The following FOXP1 variants were observed in gnomAD, a reference collection of about 807,000 sequenced individuals.
FOXP1 encodes the protein forkhead box P1.
FOXP1 carries 15 observed loss-of-function variants against 98.2 expected under a neutral mutation model. That is an observed-to-expected ratio of 0.15 (90% CI 0.10 to 0.24). The LOEUF is 0.24. Ranked by LOEUF, FOXP1 falls within the 10% of genes least tolerant of loss-of-function variation. The probability of loss-of-function intolerance (pLI) is 1.00; values close to 1 mark genes in which losing one functional copy is unlikely to be tolerated. For synonymous variants in FOXP1, 371 were observed against 314.5 expected (o/e 1.18, Z -1.90); for missense variants, 633 against 848.5 (o/e 0.75, Z 3.15).
intron 10 of FOXP1, among the ~76,000 whole-genome samples, chr3:71,046,278 T>G (rs1179022142): frequency 6.6e-6 from 1 of 152,222 alleles, no homozygotes; most frequent in Non-Finnish European, 1.5e-5. Flanking sequence ...GTGGGCTTTG[T>G]AAAAGAAATT....
intron 2 of FOXP1, among the ~76,000 whole-genome samples, chr3:71,516,398 G>C (rs188313899): frequency 1.4e-3 from 211 of 152,256 alleles, no homozygotes; most frequent in African/African-American, 4.8e-3. Flanking sequence ...AAAAGGCATA[G>C]GGAATTCTTG....
intron 5 of FOXP1, among the ~76,000 whole-genome samples, chr3:71,265,561 T>G (rs530716572): frequency 6.6e-6 from 1 of 152,300 alleles, no homozygotes; most frequent in African/African-American, 2.4e-5. Flanking sequence ...CCTAGGCAAC[T>G]AGCTGACTTG....
At chr3:71,216,178 T>C (rs1438535906) in intron 5 of FOXP1, among the ~76,000 whole-genome samples, 1 of 152,236 alleles carries the variant, frequency 6.6e-6, no homozygotes, top group African/African-American at 2.4e-5. Context: ...TCACACTGAA[T>C]GAGAAGCTTG....
At chr3:71,196,077 G>A (rs940347609) in intron 6 of FOXP1, among the ~76,000 whole-genome samples, 1 of 152,170 alleles carries the variant, frequency 6.6e-6, no homozygotes, top group Non-Finnish European at 1.5e-5. Context: ...TCACAATACA[G>A]GGGGTTTTAG....
chr3:71,564,361 G>T lies in FOXP1; in HGVS notation c.-298+17188C>A, dbSNP rs372795483. ...TAACATATATAAAGCTCCTGTATTT[G>T]CCAGGCACCCTGTGTCACATTCCAC... On this transcript the variant is annotated intron_variant, in intron 2 of 20. Transcript: ENST00000649528. Among the ~76,000 whole-genome samples the T allele has an allele frequency of 5.3e-5, 8 of 152,190 alleles. No individual in the cohort carries two copies. The East Asian group carries it at 1.5e-3, about 29-fold the overall frequency.
chr3:71,445,408 T>C (rs2086323357), intron 3 of FOXP1, among the ~76,000 whole-genome samples: 1 of 152,102 alleles, frequency 6.6e-6, no homozygotes, highest in Non-Finnish European at 1.5e-5. Flanking sequence ...ATTTTAACCA[T>C]GGAATATACT....
At chr3:71,331,721 T>C (rs1252270945) in intron 4 of FOXP1, among the ~76,000 whole-genome samples, 2 of 150,754 alleles carry the variant, frequency 1.3e-5, no homozygotes, top group African/African-American at 4.9e-5. Context: ...CTGCATCTAG[T>C]TAATCTGGTG....
chr3:71,472,779 G>C (rs1002280489), intron 3 of FOXP1, among the ~76,000 whole-genome samples: 6 of 152,226 alleles, frequency 3.9e-5, no homozygotes, highest in Non-Finnish European at 8.8e-5. Context: ...AGTGAGAACA[G>C]AGAAAACTAG....
intron 3 of FOXP1, among the ~76,000 whole-genome samples, chr3:71,387,634 C>T (rs185427974): frequency 6.6e-6 from 1 of 152,168 alleles, no homozygotes; most frequent in South Asian, 2.1e-4. Context: ...CAACTTCTTG[C>T]TGTGCGTATG....
In FOXP1 at chr3:71,479,548, G is replaced by A. The variant is rs181348905; in HGVS notation, c.-168+13878C>T. Among the ~76,000 whole-genome samples, 589 of 151,428 alleles carry A rather than the reference G, an allele frequency of 3.9e-3. 5 individuals are homozygous for A. The highest frequency in any genetic ancestry group is 0.014 in the African/African-American group (560 of 41,256). ...ACAAAAATTAGCCAGGCGTGGTGGC[G>A]GACGCCTGTAATCCCAGCTACTCAG... On this transcript the variant is annotated intron_variant, in intron 3 of 20. Transcript: ENST00000649528.
At chr3:71,206,312 T>C (rs2064030025) in intron 5 of FOXP1, among the ~76,000 whole-genome samples, 1 of 152,318 alleles carries the variant, frequency 6.6e-6, no homozygotes, top group Non-Finnish European at 1.5e-5. Context: ...ACTCCAAAAG[T>C]AACAAGCCAT....
chr3:71,053,561 GGA>G (rs2050199042), intron 8 of FOXP1, 73 bp downstream of exon 8: 1 of 1,574,800 alleles, frequency 6.4e-7, no homozygotes, highest in African/African-American at 1.4e-5. Context: ...CTGGTGGAGG[GGA>G]GATTGCGAAT....
chr3:71,041,372 G>A lies in FOXP1; in HGVS notation c.825C>T (p.Ala275=), dbSNP rs753890873. The A allele has an allele frequency of 6.8e-5, 109 of 1,613,614 alleles. No homozygotes were observed. The highest frequency in any genetic ancestry group is 9.2e-5 in the Non-Finnish European group (109 of 1,179,792). The part of the protein sequence containing the change: ...SKTSLIMNPH[A]STNGQLSVHT... ...GGACTGAGAGCTGTCCATTGGTAGAGGCATGTGGGTTCATTATTAAGGAGG... is the reference window on the plus strand; with the variant it reads ...GGACTGAGAGCTGTCCATTGGTAGAAGCATGTGGGTTCATTATTAAGGAGG... Residue 275 remains alanine, a synonymous_variant, in exon 11 of 21, where the codon GCC becomes GCT. Transcript: ENST00000649528.
chr3:71,533,847 C>G (rs1437458609), intron 2 of FOXP1, among the ~76,000 whole-genome samples: 4 of 152,190 alleles, frequency 2.6e-5, no homozygotes, highest in Admixed American at 2.6e-4. Flanking sequence ...CAGAACTCAA[C>G]ATTTCTTTGG....
intron 18 of FOXP1, 52 bp downstream of exon 18, chr3:70,972,503 C>CTTG: frequency 6.2e-7 from 1 of 1,612,978 alleles, no homozygotes; most frequent in Non-Finnish European, 8.5e-7. Flanking sequence ...CTACGTTATA[C>CTTG]TTGTTAGCAC....
intron 13 of FOXP1, among the ~76,000 whole-genome samples, chr3:70,997,235 C>G (rs997637979): frequency 6.6e-6 from 1 of 152,184 alleles, no homozygotes; most frequent in Non-Finnish European, 1.5e-5. Flanking sequence ...AGTGTTCCTG[C>G]TGCTGGAGGG....
intron 11 of FOXP1, among the ~76,000 whole-genome samples, chr3:71,033,486 T>C (rs926657144): frequency 1.3e-5 from 2 of 151,232 alleles, no homozygotes; most frequent in Admixed American, 6.7e-5. Flanking sequence ...AAGAGATTTA[T>C]AGAGTCTAAA....
intron 5 of FOXP1, among the ~76,000 whole-genome samples, chr3:71,213,943 C>G (rs1318738710): frequency 3.3e-5 from 5 of 152,156 alleles, no homozygotes; most frequent in Non-Finnish European, 7.3e-5. Context: ...TCAGGTACTA[C>G]GATGATGAAT....
intron 11 of FOXP1, among the ~76,000 whole-genome samples, chr3:71,039,659 C>T (rs1453080681): frequency 6.6e-6 from 1 of 150,994 alleles, no homozygotes; most frequent in Non-Finnish European, 1.5e-5. Flanking sequence ...CGCTCTGCAG[C>T]AAATGGACGC....
Sources: gnomAD v4.1 joint callset for allele counts (sites outside exome capture counted in the v4.1 genomes callset) on GRCh38, gnomAD v4.1.1 for gene constraint, MANE v1.5 for transcripts, NCBI Gene and HGNC (gene_info 2026-07-23, HGNC 2026-07-21) for gene names.